Variants in UNC13B observed in about 807,000 individuals in gnomAD.
UNC13B encodes the protein unc-13 homolog B, also known as protein unc-13 homolog B.
Under a neutral mutation model 211.0 loss-of-function variants are expected in UNC13B, and 144 were observed. The ratio of observed to expected loss-of-function variants is 0.68; its 90% CI spans 0.60 to 0.78. UNC13B has a LOEUF of 0.78. UNC13B is among the 30% of genes least tolerant of loss of function. UNC13B has a pLI of 0.00. For synonymous variants in UNC13B, 709 were observed against 725.8 expected (o/e 0.98, Z 0.37); for missense variants, 1,777 against 2,002.0 (o/e 0.89, Z 2.14).
At chr9:35,256,764 CTT>C (rs1564097261) in intron 6 of UNC13B, among the ~76,000 whole-genome samples, 1 of 152,128 alleles carries the variant, frequency 6.6e-6, no homozygotes, top group Non-Finnish European at 1.5e-5. Context: ...ATTACACACA[CTT>C]ATTTAATATG....
chr9:35,382,367 T>C lies in UNC13B; in HGVS notation c.10666T>C (p.Cys3556Arg). 1 of 1,611,922 alleles carries C rather than the reference T, an allele frequency of 6.2e-7. No homozygotes were observed. Among genetic ancestry groups the C allele is most frequent in the Non-Finnish European group, 8.5e-7 (1 of 1,179,392 alleles). Residue 3556 changes from cysteine (C) to arginine (R), a missense_variant, in exon 21 of 40, where the codon TGT (cysteine) becomes CGT (arginine). Coordinates refer to ENST00000635942, the MANE Select transcript of UNC13B (RefSeq NM_001371189.2). ...SIYQAMTHFACLSSKYMCPGV... is the reference protein window; with the variant it reads ...SIYQAMTHFARLSSKYMCPGV... Reference sequence around the variant, plus strand: ...TGCTGTGTTTTTCAGGCACTTTGCATGTTTATCATCCAAGTACATGTGTCC... The same window carrying C: ...TGCTGTGTTTTTCAGGCACTTTGCACGTTTATCATCCAAGTACATGTGTCC...
chr9:35,384,377 A>G (rs921616076), intron 22 of UNC13B, 63 bp downstream of exon 22: 12 of 1,561,270 alleles, frequency 7.7e-6, no homozygotes, highest in African/African-American at 4.1e-5. Flanking sequence ...GAGAGACTGT[A>G]GGCCAATCTT....
At chr9:35,389,146 T>A (rs910080381) in intron 24 of UNC13B, among the ~76,000 whole-genome samples, 2 of 152,194 alleles carry the variant, frequency 1.3e-5, no homozygotes, top group Non-Finnish European at 2.9e-5. Context: ...TGTTCCACCC[T>A]CCCTGTGGTG....
chr9:35,255,499 T>C (rs1366082213), intron 6 of UNC13B, among the ~76,000 whole-genome samples: 1 of 152,076 alleles, frequency 6.6e-6, no homozygotes, highest in African/African-American at 2.4e-5. Flanking sequence ...CAAATCAGTC[T>C]CCTGGAGCAT....
chr9:35,400,663 A>G (rs1249479385), intron 37 of UNC13B, among the ~76,000 whole-genome samples: 2 of 152,154 alleles, frequency 1.3e-5, no homozygotes, highest in Non-Finnish European at 2.9e-5. Flanking sequence ...TATGTCTAAG[A>G]TTTCTTTTCC....
At chr9:35,206,833 C>T (rs1386375048) in intron 1 of UNC13B, among the ~76,000 whole-genome samples, 1 of 149,078 alleles carries the variant, frequency 6.7e-6, no homozygotes, top group African/African-American at 2.5e-5. Flanking sequence ...GAGATCGCGC[C>T]ACTGCACTCC....
chr9:35,337,185 A>C (rs1421193937), intron 11 of UNC13B, among the ~76,000 whole-genome samples: 1 of 152,158 alleles, frequency 6.6e-6, no homozygotes. Flanking sequence ...CAAATTGTGC[A>C]TCACGGATCA....
intron 6 of UNC13B, among the ~76,000 whole-genome samples, chr9:35,256,498 G>A (rs1365777204): frequency 6.6e-6 from 1 of 152,004 alleles, no homozygotes; most frequent in East Asian, 1.9e-4. Context: ...ATCAGATTAA[G>A]GAAATTCTAT....
At chr9:35,376,392 A>T in intron 15 of UNC13B, 145 bp downstream of exon 15, 2 of 855,464 alleles carry the variant, frequency 2.3e-6, no homozygotes, top group East Asian at 5.3e-5. Flanking sequence ...AGAAGGTAGG[A>T]TTCTGAATCA....
chr9:35,175,225 G>A (rs1457628770), intron 1 of UNC13B, among the ~76,000 whole-genome samples: 1 of 152,264 alleles, frequency 6.6e-6, no homozygotes, highest in Non-Finnish European at 1.5e-5. Flanking sequence ...TCTCATTGCA[G>A]ATGATCCTTG....
intron 5 of UNC13B, among the ~76,000 whole-genome samples, chr9:35,242,916 C>G (rs905213094): frequency 1.3e-5 from 2 of 152,080 alleles, no homozygotes; most frequent in Admixed American, 1.3e-4. Context: ...TTAAGCTAAT[C>G]CTTTGGATGG....
At chr9:35,398,753 G>C (rs551748936) in intron 32 of UNC13B, 111 bp downstream of exon 32, 311 of 1,558,498 alleles carry the variant, frequency 2.0e-4, no homozygotes, top group Non-Finnish European at 2.5e-4. Flanking sequence ...GATCTTCCCT[G>C]TACTCCTGCT....
rs75279559 is a variant in UNC13B at position 35,307,316 on chromosome 9, A to G, written c.7912A>G (p.Thr2638Ala). The change falls in exon 9 of 40, where the codon ACA becomes GCA. Residue 2638 changes from threonine (T) to alanine (A), a missense_variant. Coordinates refer to ENST00000635942, the MANE Select transcript of UNC13B (RefSeq NM_001371189.2). ...DEGDMGILQA[T>A]DTEASLEAEN... ...AGGAGACATGGGGATATTGCAAGCTACAGACACGGAGGCATCGTTAGAAGC... is the reference window on the plus strand; with the variant it reads ...AGGAGACATGGGGATATTGCAAGCTGCAGACACGGAGGCATCGTTAGAAGC... The G allele has an allele frequency of 0.086, 34,247 of 398,944 alleles. 2,282 individuals are homozygous for G. The highest frequency in any genetic ancestry group is 0.28 in the East Asian group (7,908 of 28,052). 24.7% of individuals were successfully genotyped at this position (398,944 alleles called of 1,614,324 possible).
chr9:35,386,254 C>T lies in UNC13B; in HGVS notation c.11055C>T (p.Phe3685=). ...TGAACTCCACATATGAATATATCTT[C>T]AACAACTGCCACGACTTATACAGCC... ...ACLNSTYEYI[F]NNCHDLYSRQ... Residue 3685 remains phenylalanine, a synonymous_variant, in exon 24 of 40, where the codon TTC becomes TTT. Transcript: ENST00000635942. The T allele has an allele frequency of 3.7e-6, 6 of 1,614,152 alleles. No individual in the cohort carries two copies. The highest frequency in any genetic ancestry group is 5.1e-6 in the Non-Finnish European group (6 of 1,180,018).
Position 35,302,443 on chromosome 9 carries a change from G to T in UNC13B, c.3039G>T (p.Gln1013His), listed in dbSNP as rs372382390. ...SIKSGSAPNT[Q>H]DNLGKFDSTE... The stretch of plus-strand genomic sequence containing the variant: ...AATCTGGTTCAGCTCCAAATACTCA[G>T]GATAATCTAGGGAAATTTGACAGTA... The change falls in exon 9 of 40, where the codon CAG (glutamine) becomes CAT (histidine). Residue 1013 changes from glutamine (Q) to histidine (H), a missense_variant. Physicochemically the swap from Gln to His is conservative, Grantham distance 24. Transcript: ENST00000635942. 246 of 398,164 alleles carry T rather than the reference G, an allele frequency of 6.2e-4. 2 individuals are homozygous for T. The South Asian group carries it at 0.02, about 32-fold the overall frequency. 24.7% of individuals were successfully genotyped at this position (398,164 alleles called of 1,614,324 possible). A position where few individuals can be genotyped will look rare whatever the true frequency, so the allele number is the denominator to read the frequency against.
chr9:35,245,691 TA>T (rs1200600926), intron 6 of UNC13B, among the ~76,000 whole-genome samples: 12 of 152,130 alleles, frequency 7.9e-5, no homozygotes, highest in Non-Finnish European at 1.5e-4. Context: ...CATCATTTTT[TA>T]TGGCTGTATA....
At chr9:35,270,168 G>T (rs893795753) in intron 7 of UNC13B, among the ~76,000 whole-genome samples, 1 of 152,108 alleles carries the variant, frequency 6.6e-6, no homozygotes, top group African/African-American at 2.4e-5. Context: ...TAAAAATCAA[G>T]ATCTTGGCAC....
chr9:35,370,098 A>G (rs971597424), intron 12 of UNC13B, among the ~76,000 whole-genome samples: 14 of 152,228 alleles, frequency 9.2e-5, no homozygotes, highest in African/African-American at 2.9e-4. Flanking sequence ...CTGAAACTGT[A>G]AGAGACACTG....
intron 1 of UNC13B, among the ~76,000 whole-genome samples, chr9:35,206,671 C>T (rs536789446): frequency 5.9e-5 from 9 of 152,078 alleles, no homozygotes; most frequent in South Asian, 2.1e-4. Flanking sequence ...GTCAAGAGAT[C>T]GAGACCATCC....
Sources: allele counts gnomAD v4.1 joint callset (sites outside exome capture counted in the v4.1 genomes callset), GRCh38; gene constraint gnomAD v4.1.1; transcripts MANE v1.5; gene names NCBI Gene and HGNC (gene_info 2026-07-23, HGNC 2026-07-21).